The following PKN3 variants were observed in gnomAD, a reference collection of about 807,000 sequenced individuals.
PKN3 encodes protein kinase N3, also known as serine/threonine-protein kinase N3.
A neutral mutation model predicts 113.1 loss-of-function variants in PKN3; 91 were observed. The observed-to-expected ratio is 0.80, with a 90% CI of 0.68 to 0.96. PKN3 has a LOEUF of 0.96. PKN3 is among the 40% of genes least tolerant of loss of function. The probability of loss-of-function intolerance (pLI) is 0.00; values close to 1 mark genes in which losing one functional copy is unlikely to be tolerated. For synonymous variants in PKN3, 467 were observed against 499.0 expected, an observed-to-expected ratio of 0.94 and a Z score of 0.85; for missense variants, 1,052 against 1,202.2, an observed-to-expected ratio of 0.88 and a Z score of 1.85.
At chr9:128,709,024 G>A (rs1411971518) in intron 6 of PKN3, among the ~76,000 whole-genome samples, 20 of 151,960 alleles carry the variant, frequency 1.3e-4, no homozygotes, top group Non-Finnish European at 2.4e-4. Context: ...GGTGGCTCAC[G>A]CCTGTAATCC....
At chr9:128,704,288 A>G (rs972737093) in intron 1 of PKN3, among the ~76,000 whole-genome samples, 2 of 152,040 alleles carry the variant, frequency 1.3e-5, no homozygotes, top group Middle Eastern at 3.2e-3. Context: ...AGAGCCTTCT[A>G]CTTCCTCCCG....
chr9:128,713,921 G>C, intron 9 of PKN3, 125 bp from the exon 10 acceptor site: 1 of 953,462 alleles, frequency 1.0e-6, no homozygotes, highest in Non-Finnish European at 1.7e-6. Flanking sequence ...CTGTTTCTCT[G>C]GGTCTTTCTG....
At chr9:128,706,184 G>A (rs754688540) in intron 3 of PKN3, among the ~76,000 whole-genome samples, 9 of 152,238 alleles carry the variant, frequency 5.9e-5, no homozygotes, top group Non-Finnish European at 1.3e-4. Flanking sequence ...TATGATGACG[G>A]AGGCAGGACC....
chr9:128,703,128 T>C (rs1446413503), intron 1 of PKN3, among the ~76,000 whole-genome samples, 189 bp downstream of exon 1: 2 of 152,238 alleles, frequency 1.3e-5, no homozygotes, highest in South Asian at 2.1e-4. Context: ...CGGTGGTTCC[T>C]GGACCTTGCA....
chr9:128,705,393 A>G lies in PKN3; in HGVS notation c.115A>G (p.Asn39Asp). 6.3e-7 allele frequency: 1 copy of G among 1,597,480 alleles called. No individual in the cohort carries two copies. The highest frequency in any genetic ancestry group is 8.5e-7 in the Non-Finnish European group (1 of 1,172,576). ...KELKIKEGVENLRRVATDRRH... is the reference protein window; with the variant it reads ...KELKIKEGVEDLRRVATDRRH... Reference sequence around the variant, plus strand: ...GCTGAAGATCAAGGAGGGGGTGGAGAACCTGCGGCGCGTGGCCACAGACCG... The same window carrying G: ...GCTGAAGATCAAGGAGGGGGTGGAGGACCTGCGGCGCGTGGCCACAGACCG... The change falls in exon 2 of 22, where the codon AAC becomes GAC. Residue 39 changes from asparagine (N) to aspartate (D), a missense_variant. By Grantham distance (23) the Asn-to-Asp change is conservative. Transcript: ENST00000291906.
At position 128,714,050 on chromosome 9, in the gene PKN3, C is replaced by T. The variant is rs766620262; in HGVS notation, c.1241C>T (p.Thr414Ile). Residue 414 changes from threonine (T) to isoleucine (I), a missense_variant, in exon 10 of 22, where the codon ACC (threonine) becomes ATC (isoleucine). By Grantham distance (89) the Thr-to-Ile change is moderately conservative. This residue lies in a region of PKN3 where 719 missense variants were observed against 759.4 expected (regional missense o/e 0.95). Transcript: ENST00000291906. ...VPQGLLFAQV[T>I]FCDPVIERRP... ...ACCCTGCCCCTACCCCTGCAGGTGA[C>T]CTTCTGCGATCCTGTCATTGAGAGG... 1 of 1,613,968 alleles carries T rather than the reference C, an allele frequency of 6.2e-7. No individual in the cohort carries two copies.
At chr9:128,706,674 C>A in intron 3 of PKN3, 39 bp from the exon 4 acceptor site, 1 of 1,420,666 alleles carries the variant, frequency 7.0e-7, no homozygotes, top group Non-Finnish European at 9.4e-7. Context: ...AAGCTGTGGC[C>A]CAGGCCTGGT....
At position 128,717,282 on chromosome 9, in the gene PKN3, C is replaced by T. The variant is rs138651062; in HGVS notation, c.1985+359C>T. Among the ~76,000 whole-genome samples the T allele has an allele frequency of 3.1e-3, 462 of 150,698 alleles. 9 individuals carry two copies. The East Asian group carries it at 0.034, about 11-fold the overall frequency. On this transcript the variant is annotated intron_variant, in intron 16 of 21. Coordinates refer to ENST00000291906, the MANE Select transcript of PKN3 (RefSeq NM_013355.5). Reference sequence around the variant, plus strand: ...TAGCTGGGATTACAGGCATGCACCACCACTCCTGTCTAATTTTGTATTTTT... The same window carrying T: ...TAGCTGGGATTACAGGCATGCACCATCACTCCTGTCTAATTTTGTATTTTT...
At chr9:128,712,394 G>A (rs759211793) in intron 6 of PKN3, among the ~76,000 whole-genome samples, 8 of 152,146 alleles carry the variant, frequency 5.3e-5, no homozygotes, top group Non-Finnish European at 1.0e-4. Flanking sequence ...CTCTAGTGAC[G>A]TGACACATGA....
chr9:128,715,096 G>C lies in PKN3; in HGVS notation c.1653-76G>C. 6.8e-7 allele frequency: 1 copy of C among 1,470,150 alleles called. No individual in the cohort carries two copies. The highest frequency in any genetic ancestry group is 9.5e-7 in the Non-Finnish European group (1 of 1,051,356). The allele number at this position is 1,470,150 out of a possible 1,614,324, so 91.1% of individuals were successfully genotyped here. ...TCGGGACAGCCCAGGACTGGGCATG[G>C]GAGGCTTGGAGTGGCTCTGGGTAGG... On this transcript the variant is annotated intron_variant, in intron 13 of 21. Coordinates refer to ENST00000291906, the MANE Select transcript of PKN3 (RefSeq NM_013355.5). This position sits in a 1 kb window ranked among gnomAD's most constrained non-coding sequence, Gnocchi z 4.1.
At chr9:128,718,693 GC>G in intron 18 of PKN3, 68 bp downstream of exon 18, 1 of 1,403,334 alleles carries the variant, frequency 7.1e-7, no homozygotes, top group Non-Finnish European at 1.0e-6. Context: ...AGGATGATGG[GC>G]ACATGGCATG....
rs1397405883 is a variant in PKN3 at position 128,713,026 on chromosome 9, A to G, written c.836-26A>G. On this transcript the variant is annotated intron_variant, in intron 6 of 21. Coordinates refer to ENST00000291906, the MANE Select transcript of PKN3 (RefSeq NM_013355.5). ...AGCAGTGGGAAGATGGCATCTGACA[A>G]CGCCCCCCGCTCACTCTCCCCACAG... The G allele has an allele frequency of 2.6e-6, 4 of 1,567,034 alleles. No individual in the cohort carries two copies. The Admixed American group carries it at 5.4e-5, about 21-fold the overall frequency.
At chr9:128,704,808 C>T (rs1403472653) in intron 1 of PKN3, among the ~76,000 whole-genome samples, 1 of 151,794 alleles carries the variant, frequency 6.6e-6, no homozygotes, top group Non-Finnish European at 1.5e-5. Flanking sequence ...ATCCCAGCTA[C>T]TCAGGAGGCT....
chr9:128,714,782 T>C lies in PKN3; in HGVS notation c.1585-16T>C. ...AAGGAAGCCCAGCCCTGCCCTGAGC[T>C]CCTCTATACTCACAGCGCACCAAAC... On this transcript the variant is annotated splice_polypyrimidine_tract_variant and intron_variant, in intron 12 of 21. Coordinates refer to ENST00000291906, the MANE Select transcript of PKN3 (RefSeq NM_013355.5). The C allele has an allele frequency of 1.2e-6, 2 of 1,612,246 alleles. No homozygotes were observed. The highest frequency in any genetic ancestry group is 1.7e-6 in the Non-Finnish European group (2 of 1,178,500).
chr9:128,719,568 T>C (rs942339293), intron 18 of PKN3, 118 bp from the exon 19 acceptor site: 6 of 1,038,326 alleles, frequency 5.8e-6, no homozygotes, highest in Non-Finnish European at 7.0e-6. Flanking sequence ...TCCCACTTCC[T>C]TGGGTACAGG....
chr9:128,714,020 C>A (rs769503616), intron 9 of PKN3, 26 bp from the exon 10 acceptor site: 1 of 1,612,982 alleles, frequency 6.2e-7, no homozygotes, highest in East Asian at 2.2e-5. Flanking sequence ...GGCGACTGGT[C>A]CACAACCCTG....
Position 128,714,186 on chromosome 9 carries a change from T to G in PKN3, c.1313-11T>G, listed in dbSNP as rs539245998. On this transcript the variant is annotated splice_polypyrimidine_tract_variant and intron_variant, in intron 10 of 21. Transcript: ENST00000291906. ...TGGGGTCCCGGGACTAAGCTCCCCC[T>G]TTTCTCCCAGGCCAGGACTTCCTGA... The G allele has an allele frequency of 1.9e-6, 3 of 1,613,866 alleles. No individual in the cohort carries two copies. The highest frequency in any genetic ancestry group is 4.5e-5 in the East Asian group (2 of 44,872).
At position 128,715,104 on chromosome 9, in the gene PKN3, G is replaced by T. The variant is rs1365345103; in HGVS notation, c.1653-68G>T. 5 of 1,514,576 alleles carry T rather than the reference G, an allele frequency of 3.3e-6. No homozygotes were observed. The Admixed American group carries it at 6.7e-5, about 20-fold the overall frequency. The allele number at this position is 1,514,576 out of a possible 1,614,324, so 93.8% of individuals were successfully genotyped here. A position where few individuals can be genotyped will look rare whatever the true frequency, so the allele number is the denominator to read the frequency against. On this transcript the variant is annotated intron_variant, in intron 13 of 21. Transcript: ENST00000291906. The surrounding 1 kb of genome is among the most constrained non-coding windows in gnomAD (Gnocchi z 4.1). ...GCCCAGGACTGGGCATGGGAGGCTTGGAGTGGCTCTGGGTAGGGGCCCAGC... is the reference window on the plus strand; with the variant it reads ...GCCCAGGACTGGGCATGGGAGGCTTTGAGTGGCTCTGGGTAGGGGCCCAGC...
rs766916950 is a variant in PKN3 at position 128,720,426 on chromosome 9, C to T, written c.2490C>T (p.Thr830=). 6.2e-7 allele frequency: 1 copy of T among 1,613,262 alleles called. No individual in the cohort carries two copies. The highest frequency in any genetic ancestry group is 8.5e-7 in the Non-Finnish European group (1 of 1,180,008). ...ACTGGCAAGCCCTGCTCGCCCGCACCATCCAGCCCCCCTTCGTGCCTACCC... is the reference window on the plus strand; with the variant it reads ...ACTGGCAAGCCCTGCTCGCCCGCACTATCCAGCCCCCCTTCGTGCCTACCC... ...TTNWQALLAR[T]IQPPFVPTLC... is the part of the protein sequence containing the mutation. The change falls in exon 22 of 22, where the codon ACC becomes ACT. Residue 830 remains threonine (T), a synonymous_variant. Transcript: ENST00000291906. This position sits in a 1 kb window ranked among gnomAD's most constrained non-coding sequence, Gnocchi z 5.5.
Sources: allele counts gnomAD v4.1 joint callset (sites outside exome capture counted in the v4.1 genomes callset), GRCh38; gene constraint gnomAD v4.1.1; regional missense constraint gnomAD v4.1.1; non-coding constraint Gnocchi (gnomAD v3.1); transcripts MANE v1.5; gene names NCBI Gene and HGNC (gene_info 2026-07-23, HGNC 2026-07-21).